The following SFXN3 variants were observed in gnomAD, a reference collection of about 807,000 sequenced individuals.
SFXN3 encodes sideroflexin-3.
In SFXN3, 31 loss-of-function variants were observed where a neutral mutation model predicts 40.4. The observed-to-expected ratio is 0.77, with a 90% confidence interval of 0.58 to 1.04. The LOEUF (loss-of-function observed/expected upper bound fraction) is 1.04. Ranked by LOEUF, SFXN3 falls within the 50% of genes least tolerant of loss-of-function variation. The probability of loss-of-function intolerance (pLI) is 0.00; values close to 1 mark genes in which losing one functional copy is unlikely to be tolerated. For synonymous variants in SFXN3, 157 were observed against 160.0 expected (o/e 0.98, Z 0.14); for missense variants, 366 against 408.2 (o/e 0.90, Z 0.89).
At position 101,037,366 on chromosome 10, in the gene SFXN3, C is replaced by T; in HGVS notation, c.722-16C>T. ...CACTACTAATGTTCTCCTTCTTGGC[C>T]CTGCTCTCCCCACAGCCATCCCACC... On this transcript the variant is annotated splice_polypyrimidine_tract_variant and intron_variant, in intron 8 of 11. Coordinates refer to ENST00000393459, the Ensembl canonical transcript of SFXN3. The T allele has an allele frequency of 1.9e-6, 3 of 1,614,126 alleles. No homozygotes were observed. The highest frequency in any genetic ancestry group is 2.2e-5 in the East Asian group (1 of 44,880).
chr10:101,035,460 C>T (rs370427238), intron 3 of SFXN3, 37 bp from the exon 4 acceptor site: 9 of 1,567,198 alleles, frequency 5.7e-6, no homozygotes, highest in Middle Eastern at 4.6e-4. Flanking sequence ...GATCTGCCCC[C>T]TGGCATAGCC....
exon 2 of SFXN3, chr10:101,032,398 C>A: frequency 1.4e-6 from 2 of 1,456,892 alleles, no homozygotes; most frequent in Non-Finnish European, 1.8e-6. Context: ...GCGTGACGTC[C>A]CGCGTGATGG....
In SFXN3 at chr10:101,039,905, C is replaced by T; in HGVS notation, c.*320C>T. The T allele has an allele frequency of 3.5e-6, 1 of 286,754 alleles. No individual in the cohort carries two copies. The allele number at this position is 286,754 out of a possible 1,614,324, so 17.8% of individuals were successfully genotyped here. ...ATGCTAGCCTAGTATGTTCTGACAT[C>T]TGGCTTCCCTTCTCAGCCTCATGTC... On this transcript the variant is annotated 3_prime_UTR_variant, in exon 12 of 12. Transcript: ENST00000393459. This position sits in a 1 kb window ranked among gnomAD's most constrained non-coding sequence, Gnocchi z 4.6.
At chr10:101,038,415 G>A in intron 9 of SFXN3, 1 of 1,425,338 alleles carries the variant, frequency 7.0e-7, no homozygotes, top group South Asian at 1.5e-5. Flanking sequence ...ATTCTGAGAG[G>A]TGAGAGGTCA....
exon 2 of SFXN3, chr10:101,032,314 G>C (rs926093364): frequency 1.2e-5 from 9 of 781,296 alleles, no homozygotes; most frequent in African/African-American, 1.9e-5. Context: ...CCGCCCTCAG[G>C]TTCTGCCAAT....
rs1210025798 is a variant in SFXN3 at position 101,039,882 on chromosome 10, G to A, written c.*297G>A. 7.9e-6 allele frequency: 3 copies of A among 380,106 alleles called. No individual in the cohort carries two copies. Among genetic ancestry groups the A allele is most frequent in the African/African-American group, 4.0e-5 (2 of 49,942 alleles). 23.5% of individuals were successfully genotyped at this position (380,106 alleles called of 1,614,324 possible). A position where few individuals can be genotyped will look rare whatever the true frequency, so the allele number is the denominator to read the frequency against. On this transcript the variant is annotated 3_prime_UTR_variant, in exon 12 of 12. Coordinates refer to ENST00000393459, the Ensembl canonical transcript of SFXN3. The surrounding 1 kb of genome is among the most constrained non-coding windows in gnomAD (Gnocchi z 4.6). ...GGTCCTGAAAGCTAGAAGCAGGCAT[G>A]CTAGCCTAGTATGTTCTGACATCTG...
exon 2 of SFXN3, chr10:101,032,370 C>T: frequency 1.5e-6 from 2 of 1,360,848 alleles, no homozygotes; most frequent in Non-Finnish European, 1.9e-6. Context: ...CCTGCCCCTC[C>T]CTGCTGGTCG....
chr10:101,037,134 G>T (rs746696422), exon 8 of SFXN3: 2 of 1,613,922 alleles, frequency 1.2e-6, no homozygotes, highest in African/African-American at 2.7e-5. Flanking sequence ...TGGCTACTCG[G>T]TGACTGCAGC....
intron 9 of SFXN3, 36 bp from the exon 10 acceptor site, chr10:101,038,607 C>T: frequency 1.2e-6 from 2 of 1,613,774 alleles, no homozygotes; most frequent in Non-Finnish European, 1.7e-6. Context: ...AGGCAGGGGA[C>T]ACAAGCCGTT....
intron 9 of SFXN3, chr10:101,038,110 AAG>A: frequency 3.5e-6 from 1 of 289,082 alleles, no homozygotes. Flanking sequence ...TAATGCCGCA[AAG>A]GATGAGGAGA....
At chr10:101,038,466 G>C in intron 9 of SFXN3, 177 bp from the exon 10 acceptor site, 1 of 1,470,800 alleles carries the variant, frequency 6.8e-7, no homozygotes, top group African/African-American at 1.4e-5. Flanking sequence ...GGCCTGGCTG[G>C]AGTGGAAGGG....
intron 9 of SFXN3, 162 bp downstream of exon 9, chr10:101,037,593 C>A: frequency 6.6e-7 from 1 of 1,523,216 alleles, no homozygotes. Context: ...CAAGAATGAA[C>A]TGGGCTGGGG....
intron 9 of SFXN3, chr10:101,037,818 G>C: frequency 1.8e-6 from 2 of 1,113,008 alleles, no homozygotes; most frequent in Non-Finnish European, 2.2e-6. Context: ...CAAAGCACAG[G>C]AACAAGCTCT....
At chr10:101,031,394 C>G (rs1938179624) in exon 1 of SFXN3, 1 of 152,460 alleles carries the variant, frequency 6.6e-6, no homozygotes, top group South Asian at 2.1e-4. Context: ...ACCACCTCTT[C>G]TCTGAGCCGA....
rs541319982 is a variant in SFXN3 at position 101,036,093 on chromosome 10, C to T, written c.423C>T (p.Ile141=). 141 of 1,613,606 alleles carry T rather than the reference C, an allele frequency of 8.7e-5. 1 individual carries two copies. In the South Asian group the frequency reaches 1.4e-3, roughly 17 times the overall value. ...CCAACCGCAGTGGTGACACTCCCAT[C>T]ACTGTGAGGTGAGAGCCAGCCCCCA... Residue 141 remains isoleucine, a synonymous_variant, in exon 5 of 12, where the codon ATC becomes ATT. Transcript: ENST00000393459. The surrounding 1 kb of genome is among the most constrained non-coding windows in gnomAD (Gnocchi z 4.2).
chr10:101,036,781 G>T lies in SFXN3; in HGVS notation c.566G>T (p.Cys189Phe). 2 of 1,613,820 alleles carry T rather than the reference G, an allele frequency of 1.2e-6. No individual in the cohort carries two copies. The highest frequency in any genetic ancestry group is 1.7e-6 in the Non-Finnish European group (2 of 1,179,722). Reference sequence around the variant, plus strand: ...TTTGCAGCAGTGGCAGCTGCCAACTGCATCAACATCCCCCTGATGAGGCAG... The same window carrying T: ...TTTGCAGCAGTGGCAGCTGCCAACTTCATCAACATCCCCCTGATGAGGCAG... Residue 189 changes from cysteine (C) to phenylalanine (F), a missense_variant, in exon 7 of 12, where the codon TGC (cysteine) becomes TTC (phenylalanine). Cys to Phe is a radical substitution (Grantham distance 205). Coordinates refer to ENST00000393459, the Ensembl canonical transcript of SFXN3. This position sits in a 1 kb window ranked among gnomAD's most constrained non-coding sequence, Gnocchi z 4.2.
chr10:101,033,448 C>T (rs1054003451), intron 2 of SFXN3, among the ~76,000 whole-genome samples: 1 of 152,118 alleles, frequency 6.6e-6, no homozygotes, highest in Non-Finnish European at 1.5e-5. Context: ...TCTTCCCTTC[C>T]CCCTCCTCCA....
At chr10:101,033,163 T>C (rs1019775793) in intron 2 of SFXN3, among the ~76,000 whole-genome samples, 2 of 152,166 alleles carry the variant, frequency 1.3e-5, no homozygotes, top group African/African-American at 4.8e-5. Flanking sequence ...CAGTAAGGCC[T>C]TGCTCTCCTC....
At position 101,039,423 on chromosome 10, in the gene SFXN3, C is replaced by A; in HGVS notation, c.870-66C>A. 2 of 1,463,972 alleles carry A rather than the reference C, an allele frequency of 1.4e-6. No individual in the cohort carries two copies. Among genetic ancestry groups the A allele is most frequent in the Non-Finnish European group, 1.9e-6 (2 of 1,044,512 alleles). 90.7% of individuals were successfully genotyped at this position (1,463,972 alleles called of 1,614,324 possible). On this transcript the variant is annotated intron_variant, in intron 11 of 11. Coordinates refer to ENST00000393459, the Ensembl canonical transcript of SFXN3. The surrounding 1 kb of genome is among the most constrained non-coding windows in gnomAD (Gnocchi z 4.6). ...TTCAGCCTGGGAGGAGGTGGGATGG[C>A]AATCCCTGGGCCTGAGTGGGGTTGG...
Sources: gnomAD v4.1 joint callset for allele counts (sites outside exome capture counted in the v4.1 genomes callset) on GRCh38, gnomAD v4.1.1 for gene constraint, Gnocchi (gnomAD v3.1) non-coding constraint, MANE v1.5 for transcripts, NCBI Gene and HGNC (gene_info 2026-07-23, HGNC 2026-07-21) for gene names.